SYT1: variants seen among roughly 807,000 people sequenced by gnomAD.
The protein encoded by SYT1 is synaptotagmin 1.
A neutral mutation model predicts 44.8 loss-of-function variants in SYT1; 8 were observed. The ratio of observed to expected loss-of-function variants is 0.18; its 90% CI spans 0.10 to 0.32. The LOEUF is 0.32. Ranked by LOEUF, SYT1 falls within the 10% of genes least tolerant of loss-of-function variation. SYT1 has a pLI of 1.00. For missense variants in SYT1, 286 were observed against 509.3 expected (o/e 0.56, Z 4.22); for synonymous variants, 154 against 188.8 (o/e 0.82, Z 1.51).
chr12:79,448,800 T>G, intron 10 of SYT1, 118 bp from the exon 11 acceptor site: 1 of 863,200 alleles, frequency 1.2e-6, no homozygotes, highest in Non-Finnish European at 1.9e-6. Flanking sequence ...TTCATCCTCA[T>G]CCTAGTGCTT....
intron 3 of SYT1, among the ~76,000 whole-genome samples, chr12:79,138,889 G>GA (rs1288900647): frequency 6.6e-6 from 1 of 152,016 alleles, no homozygotes; most frequent in African/African-American, 2.4e-5. Context: ...AAGGTGGTAA[G>GA]AAAAAAACTC....
chr12:78,998,960 T>C (rs1332300999), intron 2 of SYT1, among the ~76,000 whole-genome samples: 1 of 152,202 alleles, frequency 6.6e-6, no homozygotes, highest in Admixed American at 6.5e-5. Context: ...CACTGATTAC[T>C]GATCAAGGGA....
intron 3 of SYT1, among the ~76,000 whole-genome samples, chr12:79,146,311 G>C (rs1869910831): frequency 6.6e-6 from 1 of 152,124 alleles, no homozygotes. Flanking sequence ...AATTAATGTT[G>C]TTGTAGGAAA....
intron 9 of SYT1, among the ~76,000 whole-genome samples, chr12:79,420,731 C>T (rs958945703): frequency 1.3e-5 from 2 of 152,088 alleles, no homozygotes; most frequent in East Asian, 1.9e-4. Context: ...AATAGAAGGG[C>T]ATTGCACACT....
intron 5 of SYT1, among the ~76,000 whole-genome samples, chr12:79,290,175 A>G (rs1248544779): frequency 2.6e-5 from 4 of 152,158 alleles, no homozygotes; most frequent in African/African-American, 9.7e-5. Context: ...CTCCTAAGAA[A>G]TTTCCAGCAA....
intron 3 of SYT1, among the ~76,000 whole-genome samples, chr12:79,130,766 G>T (rs1868760081): frequency 6.6e-6 from 1 of 151,966 alleles, no homozygotes; most frequent in South Asian, 2.1e-4. Context: ...TAAATAATTT[G>T]GTCCTTTGTC....
At position 78,931,214 on chromosome 12, in the gene SYT1, A is replaced by G. The variant is rs538600383; in HGVS notation, c.-216-46585A>G. On this transcript the variant is annotated intron_variant, in intron 1 of 10. Coordinates refer to ENST00000261205, the MANE Select transcript of SYT1 (RefSeq NM_005639.3). ...AAGAAAGAAAGAAAGAAAGAAAGAA[A>G]GAAAGAAAGAAAGAAAGAAAGAAAG... Among the ~76,000 whole-genome samples the G allele has an allele frequency of 5.4e-5, 3 of 55,166 alleles. No individual in the cohort carries two copies. In the Admixed American group the frequency reaches 6.4e-4, roughly 12 times the overall value. The allele number at this position is 55,166 out of a possible 152,430, so 36.2% of individuals were successfully genotyped here.
chr12:79,052,905 G>T (rs1874622182), intron 3 of SYT1, among the ~76,000 whole-genome samples: 1 of 152,132 alleles, frequency 6.6e-6, no homozygotes, highest in South Asian at 2.1e-4. Flanking sequence ...CTACACTGTT[G>T]GTGGGACTGT....
At chr12:79,185,075 G>A (rs900712103) in intron 3 of SYT1, among the ~76,000 whole-genome samples, 2 of 152,038 alleles carry the variant, frequency 1.3e-5, no homozygotes, top group East Asian at 3.9e-4. Flanking sequence ...ACTATGAATT[G>A]CCATCTTGGT....
chr12:79,180,946 C>G (rs998460869), intron 3 of SYT1, among the ~76,000 whole-genome samples: 2 of 151,992 alleles, frequency 1.3e-5, no homozygotes, highest in Non-Finnish European at 2.9e-5. Context: ...CTCATGATAG[C>G]GAGTGAGTTC....
At chr12:79,129,901 T>C (rs1674152866) in intron 3 of SYT1, among the ~76,000 whole-genome samples, 1 of 152,318 alleles carries the variant, frequency 6.6e-6, no homozygotes, top group East Asian at 1.9e-4. Context: ...GGGTATATTA[T>C]AAACATTTAC....
At chr12:78,866,440 C>T (rs1873547639) in intron 1 of SYT1, among the ~76,000 whole-genome samples, 1 of 152,118 alleles carries the variant, frequency 6.6e-6, no homozygotes, top group South Asian at 2.1e-4. Flanking sequence ...ATTTTTGTAA[C>T]GTCTTGTTAA....
intron 8 of SYT1, among the ~76,000 whole-genome samples, chr12:79,349,826 A>G (rs1179649261): frequency 6.6e-6 from 1 of 152,198 alleles, no homozygotes. Flanking sequence ...CTATGCAGCC[A>G]TCTTTCTTCC....
At chr12:79,324,083 T>G (rs1275151943) in intron 8 of SYT1, among the ~76,000 whole-genome samples, 1 of 151,584 alleles carries the variant, frequency 6.6e-6, no homozygotes, top group East Asian at 1.9e-4. Context: ...CCTGAGTATC[T>G]GGGATTACAG....
chr12:79,004,388 C>A (rs1323257130), intron 2 of SYT1, among the ~76,000 whole-genome samples: 1 of 139,018 alleles, frequency 7.2e-6, no homozygotes, highest in Non-Finnish European at 1.6e-5. Flanking sequence ...GCACTGAGGA[C>A]AGTCTTGGGA....
chr12:78,884,486 G>C (rs1201777419), intron 1 of SYT1, among the ~76,000 whole-genome samples: 1 of 151,452 alleles, frequency 6.6e-6, no homozygotes, highest in East Asian at 1.9e-4. Context: ...TTTATAGATT[G>C]ATCATGTCTA....
chr12:79,165,374 G>A (rs1871170160), intron 3 of SYT1, among the ~76,000 whole-genome samples: 1 of 151,754 alleles, frequency 6.6e-6, no homozygotes, highest in Non-Finnish European at 1.5e-5. Context: ...GCTTTTTTCT[G>A]GGCTAGGCAC....
intron 7 of SYT1, 25 bp downstream of exon 7, chr12:79,296,261 C>G (rs765340380): frequency 4.4e-6 from 7 of 1,601,184 alleles, no homozygotes; most frequent in Middle Eastern, 3.4e-4. Flanking sequence ...TTATTTATAA[C>G]CTTTCCTTTG....
chr12:79,217,567 C>CACTGTCGCG lies in SYT1; in HGVS notation c.54_62dup (p.Ala19_Val21dup). 6.2e-7 allele frequency: 1 copy of CACTGTCGCG among 1,612,170 alleles called. No homozygotes were observed. Among genetic ancestry groups the CACTGTCGCG allele is most frequent in the Non-Finnish European group, 8.5e-7 (1 of 1,179,240 alleles). ...AGGCCCTGGCAGCCCCGCCTGTCACCACTGTCGCGACTGTTCTGCCAAGCA... is the reference window on the plus strand; with the variant it reads ...AGGCCCTGGCAGCCCCGCCTGTCACCACTGTCGCGACTGTCGCGACTGTTCTGCCAAGCA... On this transcript the variant is annotated inframe_insertion, in exon 4 of 11. Coordinates refer to ENST00000261205, the MANE Select transcript of SYT1 (RefSeq NM_005639.3).
Sources: allele counts gnomAD v4.1 joint callset (sites outside exome capture counted in the v4.1 genomes callset), GRCh38; gene constraint gnomAD v4.1.1; transcripts MANE v1.5; gene names NCBI Gene and HGNC (gene_info 2026-07-23, HGNC 2026-07-21).